The following PARP4 variants were observed in gnomAD, a reference collection of about 807,000 sequenced individuals.
PARP4 encodes poly(ADP-ribose) polymerase family member 4.
PARP4 carries 120 observed loss-of-function variants against 187.7 expected under a neutral mutation model. That is an observed-to-expected ratio of 0.64 (90% CI 0.55 to 0.74). PARP4 has a LOEUF of 0.74. PARP4 is among the 30% of genes least tolerant of loss of function. The pLI is 0.00. For synonymous variants in PARP4, 654 were observed against 740.9 expected, an observed-to-expected ratio of 0.88 and a Z score of 1.90; for missense variants, 1,836 against 2,070.5, an observed-to-expected ratio of 0.89 and a Z score of 2.20.
At chr13:24,472,891 GTTTTTTTT>G (rs3978786) in intron 15 of PARP4, among the ~76,000 whole-genome samples, 1 of 109,574 alleles carries the variant, frequency 9.1e-6, no homozygotes, top group African/African-American at 3.5e-5. Flanking sequence ...AACACCCTGA[GTTTTTTTT>G]TTTTTTTTTT....
At chr13:24,425,144 T>C (rs1869960910) in intron 33 of PARP4, among the ~76,000 whole-genome samples, 1 of 151,902 alleles carries the variant, frequency 6.6e-6, no homozygotes, top group Non-Finnish European at 1.5e-5. Flanking sequence ...TTTACAAAAA[T>C]ACCAAAATTA....
At chr13:24,441,791 ATCT>A (rs1870936430) in intron 30 of PARP4, 52 bp downstream of exon 30, 12 of 1,519,526 alleles carry the variant, frequency 7.9e-6, no homozygotes, top group Non-Finnish European at 1.1e-5. Flanking sequence ...GGTTCCCTTC[ATCT>A]TCATGAAAAA....
intron 17 of PARP4, among the ~76,000 whole-genome samples, chr13:24,464,653 G>T (rs117027932): frequency 2.0e-5 from 3 of 151,974 alleles, no homozygotes; most frequent in African/African-American, 7.2e-5. Context: ...AACTCGATAC[G>T]GACTAAAGAC....
intron 1 of PARP4, among the ~76,000 whole-genome samples, chr13:24,506,781 G>C (rs535184471): frequency 6.6e-6 from 1 of 152,218 alleles, no homozygotes; most frequent in Non-Finnish European, 1.5e-5. Flanking sequence ...TGCCAGGGCC[G>C]CAGGTGGAGC....
chr13:24,495,056 T>G (rs1039511534), intron 6 of PARP4, among the ~76,000 whole-genome samples: 47 of 152,162 alleles, frequency 3.1e-4, no homozygotes, highest in African/African-American at 1.1e-3. Flanking sequence ...TGTATTTTTT[T>G]GGTAGAGATG....
intron 17 of PARP4, among the ~76,000 whole-genome samples, chr13:24,468,531 A>G (rs781579284): frequency 6.7e-6 from 1 of 150,194 alleles, no homozygotes; most frequent in Non-Finnish European, 1.5e-5. Flanking sequence ...CAGCCTCTCC[A>G]GTAGCTGGGA....
rs758545806 is a variant in PARP4 at position 24,486,383 on chromosome 13, CA to C, written c.1215-79del. On this transcript the variant is annotated intron_variant, in intron 10 of 33. Coordinates refer to ENST00000381989, the MANE Select transcript of PARP4 (RefSeq NM_006437.4). ...AAAGTCATTATAGCAGAAGAAATCC[CA>C]AAAGAGTCCAAATGTCCATTATCAG... is the stretch of plus-strand genomic sequence containing the variant. 6 of 901,800 alleles carry C rather than the reference CA, an allele frequency of 6.7e-6. No homozygotes were observed. The South Asian group carries it at 9.5e-5, about 14-fold the overall frequency. The allele number at this position is 901,800 out of a possible 1,614,324, so 55.9% of individuals were successfully genotyped here.
At chr13:24,462,895 G>C (rs7995958) in intron 17 of PARP4, among the ~76,000 whole-genome samples, 77,220 of 151,732 alleles carry the variant, frequency 0.51, 19,955 homozygotes, top group South Asian at 0.65. Flanking sequence ...AAAAGCTGTG[G>C]TGCAATATCA....
Position 24,426,690 on chromosome 13 carries a change from G to A in PARP4, c.4847-92C>T, listed in dbSNP as rs567401405. 17 of 1,104,420 alleles carry A rather than the reference G, an allele frequency of 1.5e-5. No homozygotes were observed. In the African/African-American group the frequency reaches 2.2e-4, roughly 14 times the overall value. The allele number at this position is 1,104,420 out of a possible 1,614,324, so 68.4% of individuals were successfully genotyped here. A position where few individuals can be genotyped will look rare whatever the true frequency, so the allele number is the denominator to read the frequency against. Reference sequence around the variant, plus strand: ...AATTCTCATTAAAGAATTACAATACGCCATCTGGCTAACACAATGAAACTC... The same window carrying A: ...AATTCTCATTAAAGAATTACAATACACCATCTGGCTAACACAATGAAACTC... On this transcript the variant is annotated intron_variant, in intron 32 of 33. Coordinates refer to ENST00000381989, the MANE Select transcript of PARP4 (RefSeq NM_006437.4).
chr13:24,455,585 C>A (rs746191691), intron 21 of PARP4, among the ~76,000 whole-genome samples: 1 of 142,178 alleles, frequency 7.0e-6, no homozygotes, highest in Non-Finnish European at 1.5e-5. Context: ...ATTAATTAAC[C>A]AATATTTAAC....
At chr13:24,468,707 A>G (rs1016857282) in intron 17 of PARP4, among the ~76,000 whole-genome samples, 1 of 152,192 alleles carries the variant, frequency 6.6e-6, no homozygotes, top group African/African-American at 2.4e-5. Flanking sequence ...CCCAGCCAGT[A>G]TATCACACTC....
intron 8 of PARP4, 43 bp from the exon 9 acceptor site, chr13:24,492,637 A>G (rs1868723782): frequency 6.6e-7 from 1 of 1,505,796 alleles, no homozygotes; most frequent in African/African-American, 1.4e-5. Context: ...AAATCTCAAT[A>G]CAGAAATTAA....
At chr13:24,456,168 G>T (rs1871837413) in intron 21 of PARP4, among the ~76,000 whole-genome samples, 173 bp downstream of exon 21, 1 of 152,186 alleles carries the variant, frequency 6.6e-6, no homozygotes, top group Non-Finnish European at 1.5e-5. Context: ...TGAAACGTCA[G>T]AAGTTTGGCA....
At chr13:24,428,411 A>G (rs1300637975) in intron 32 of PARP4, among the ~76,000 whole-genome samples, 1 of 152,228 alleles carries the variant, frequency 6.6e-6, no homozygotes, top group Admixed American at 6.5e-5. Flanking sequence ...CAGGCTTTAA[A>G]TACTACTAAC....
chr13:24,440,843 CT>C (rs1439323474), intron 30 of PARP4, among the ~76,000 whole-genome samples: 2 of 152,174 alleles, frequency 1.3e-5, no homozygotes, highest in Non-Finnish European at 2.9e-5. Flanking sequence ...ATTTTAACTT[CT>C]TTTAGAAACA....
intron 33 of PARP4, among the ~76,000 whole-genome samples, chr13:24,423,635 T>C (rs575523556): frequency 3.3e-5 from 5 of 152,186 alleles, no homozygotes; most frequent in African/African-American, 9.7e-5. Context: ...TGAGAAGGTA[T>C]TGCTTTTTAA....
rs767147158 is a variant in PARP4, at chr13:24,435,113, G to A, written c.4028C>T (p.Ser1343Leu). 7 of 1,614,108 alleles carry A rather than the reference G, an allele frequency of 4.3e-6. No individual in the cohort carries two copies. The highest frequency in any genetic ancestry group is 2.7e-5 in the African/African-American group (2 of 74,934). ...AHSPASLSFASYRQVASFGSA... is the reference protein window; with the variant it reads ...AHSPASLSFALYRQVASFGSA... ...ACCGAAACTAGCTACCTGACGATATGAGGCAAAAGACAAGGAAGCAGGACT... is the reference window on the plus strand; with the variant it reads ...ACCGAAACTAGCTACCTGACGATATAAGGCAAAAGACAAGGAAGCAGGACT... The change falls in exon 31 of 34, where the codon TCA becomes TTA. Residue 1343 changes from serine (S) to leucine (L), a missense_variant. Coordinates refer to ENST00000381989, the MANE Select transcript of PARP4 (RefSeq NM_006437.4).
chr13:24,494,433 ATCC>A, intron 7 of PARP4, 137 bp downstream of exon 7: 2 of 673,224 alleles, frequency 3.0e-6, no homozygotes, highest in African/African-American at 1.8e-5. Flanking sequence ...GCCTCAAGTG[ATCC>A]TCCTGCCTTG....
chr13:24,424,380 A>C lies in PARP4; in HGVS notation c.4979+2086T>G, dbSNP rs1231348436. On this transcript the variant is annotated intron_variant, in intron 33 of 33. Coordinates refer to ENST00000381989, the MANE Select transcript of PARP4 (RefSeq NM_006437.4). ...CAACCTTTTTTTTCTATTGCCATTTATTTTTCTCTTGCCATTTATTTCCCC... is the reference window on the plus strand; with the variant it reads ...CAACCTTTTTTTTCTATTGCCATTTCTTTTTCTCTTGCCATTTATTTCCCC... Among the ~76,000 whole-genome samples, 3 of 146,070 alleles carry C rather than the reference A, an allele frequency of 2.1e-5. No individual in the cohort carries two copies. The East Asian group carries it at 5.8e-4, about 28-fold the overall frequency.
Sources: gnomAD v4.1 joint callset for allele counts (sites outside exome capture counted in the v4.1 genomes callset) on GRCh38, gnomAD v4.1.1 for gene constraint, MANE v1.5 for transcripts, NCBI Gene and HGNC (gene_info 2026-07-23, HGNC 2026-07-21) for gene names.